Variants in AFG2A observed in about 807,000 individuals in gnomAD.
The protein encoded by AFG2A is AAA ATPase AFG2A.
At chr4:123,118,353 T>TTTTA in the AFG2A span, among the ~76,000 whole-genome samples, 2 of 129,856 alleles carry the variant, frequency 1.5e-5, no homozygotes, top group Non-Finnish European at 3.1e-5. Flanking sequence ...ATTATATATA[T>TTTTA]TATATATATA....
the AFG2A span, among the ~76,000 whole-genome samples, chr4:123,312,296 T>G: frequency 6.6e-6 from 1 of 152,184 alleles, no homozygotes. Context: ...GGGGGAGGTA[T>G]GCAGGAGAGA....
the AFG2A span, among the ~76,000 whole-genome samples, chr4:123,311,625 C>CAA: frequency 0.011 from 1,055 of 92,010 alleles, 38 homozygotes; most frequent in African/African-American, 0.02. Context: ...GACTCTGTCT[C>CAA]AAAAAAAAAA....
At chr4:123,015,109 T>A in the AFG2A span, among the ~76,000 whole-genome samples, 65,930 of 151,722 alleles carry the variant, frequency 0.43, 17,056 homozygotes, top group Non-Finnish European at 0.57. Flanking sequence ...TTTTTACTTG[T>A]CTGCACAATC....
At chr4:123,090,634 A>G in the AFG2A span, 1 of 1,614,194 alleles carries the variant, frequency 6.2e-7, no homozygotes, top group South Asian at 1.1e-5. Context: ...CTTAACAGAA[A>G]TGGATGGGAT....
At chr4:123,019,781 AC>A in the AFG2A span, among the ~76,000 whole-genome samples, 1 of 152,128 alleles carries the variant, frequency 6.6e-6, no homozygotes, top group Non-Finnish European at 1.5e-5. Flanking sequence ...ACATTATTGC[AC>A]TCATCTTTGT....
At chr4:122,933,321 A>T in the AFG2A span, 3 of 733,284 alleles carry the variant, frequency 4.1e-6, no homozygotes, top group Non-Finnish European at 6.7e-6. Context: ...TTAAGGTTGC[A>T]GGTGGATTAT....
At chr4:122,929,261 A>G in the AFG2A span, 2 of 1,462,812 alleles carry the variant, frequency 1.4e-6, no homozygotes, top group Middle Eastern at 1.9e-4. Context: ...TAAGAGTCAC[A>G]AATGTAAACC....
chr4:123,166,509 A>G, the AFG2A span, among the ~76,000 whole-genome samples: 3 of 152,176 alleles, frequency 2.0e-5, no homozygotes, highest in Non-Finnish European at 4.4e-5. Flanking sequence ...AATTTGAAGT[A>G]TCAATCAAAA....
the AFG2A span, among the ~76,000 whole-genome samples, chr4:123,025,022 A>T: frequency 6.6e-6 from 1 of 152,194 alleles, no homozygotes; most frequent in Non-Finnish European, 1.5e-5. Flanking sequence ...GGACAAGGGC[A>T]TCCTGTTTCC....
the AFG2A span, among the ~76,000 whole-genome samples, chr4:123,106,901 C>A: frequency 6.6e-6 from 1 of 152,358 alleles, no homozygotes; most frequent in South Asian, 2.1e-4. Context: ...GGCAAGTGAG[C>A]CCAGGTTCCT....
the AFG2A span, among the ~76,000 whole-genome samples, chr4:122,964,054 A>G: frequency 6.6e-6 from 1 of 152,210 alleles, no homozygotes; most frequent in South Asian, 2.1e-4. Flanking sequence ...TAACAAAAAC[A>G]AAAACAAAAC....
At chr4:123,286,952 A>T in the AFG2A span, among the ~76,000 whole-genome samples, 30 of 152,082 alleles carry the variant, frequency 2.0e-4, no homozygotes, top group African/African-American at 7.2e-4. Context: ...TCAAGCATTC[A>T]TCACTCAGAA....
the AFG2A span, chr4:122,936,051 C>A: frequency 1.3e-6 from 2 of 1,488,488 alleles, no homozygotes; most frequent in Admixed American, 2.1e-5. Context: ...ATAGACAAAG[C>A]TTTAAAAACA....
chr4:123,284,894 C>T, the AFG2A span, among the ~76,000 whole-genome samples: 1 of 152,142 alleles, frequency 6.6e-6, no homozygotes, highest in Non-Finnish European at 1.5e-5. Context: ...ATTTTAACAG[C>T]AGTGAACTCA....
chr4:123,188,795 G>A, the AFG2A span, among the ~76,000 whole-genome samples: 1 of 152,236 alleles, frequency 6.6e-6, no homozygotes, highest in East Asian at 1.9e-4. Flanking sequence ...CATTTGGTAG[G>A]TAGACGTCTT....
At chr4:123,202,720 A>G in the AFG2A span, among the ~76,000 whole-genome samples, 1 of 152,208 alleles carries the variant, frequency 6.6e-6, no homozygotes, top group African/African-American at 2.4e-5. Flanking sequence ...TATAATCACT[A>G]CTACAATCAA....
chr4:123,064,245 T>G, the AFG2A span, among the ~76,000 whole-genome samples: 3 of 152,210 alleles, frequency 2.0e-5, 1 homozygote, highest in Admixed American at 2.0e-4. Flanking sequence ...TTGGGAAAAT[T>G]AAAAATGCTG....
At chr4:122,943,781 T>G in the AFG2A span, among the ~76,000 whole-genome samples, 59 of 152,296 alleles carry the variant, frequency 3.9e-4, no homozygotes, top group Middle Eastern at 0.014. Flanking sequence ...TACCGGTTGT[T>G]CTTTTCCATG....
chr4:123,182,818 A>G, the AFG2A span, among the ~76,000 whole-genome samples: 1 of 152,234 alleles, frequency 6.6e-6, no homozygotes, highest in Non-Finnish European at 1.5e-5. Flanking sequence ...AATTTCATAT[A>G]ATAAAAGCTG....
Sources: allele counts gnomAD v4.1 joint callset (sites outside exome capture counted in the v4.1 genomes callset), GRCh38; gene constraint gnomAD v4.1.1; transcripts MANE v1.5; gene names NCBI Gene and HGNC (gene_info 2026-07-23, HGNC 2026-07-21).